The following QTGAL variants were observed in gnomAD, a reference collection of about 807,000 sequenced individuals.
The protein encoded by QTGAL is queuosine-tRNA galactosyltransferase, also known as BGnT-like protein 1.
chr17:83,020,979 TAG>T, the QTGAL span, among the ~76,000 whole-genome samples: 1 of 152,262 alleles, frequency 6.6e-6, no homozygotes, highest in Non-Finnish European at 1.5e-5. Context: ...TGATACTTTA[TAG>T]AGTCATACAT....
the QTGAL span, among the ~76,000 whole-genome samples, chr17:83,036,386 G>A: frequency 1.3e-5 from 2 of 152,206 alleles, no homozygotes; most frequent in Non-Finnish European, 2.9e-5. Context: ...GGGGCCTGAG[G>A]GGGCTTCTGG....
the QTGAL span, among the ~76,000 whole-genome samples, chr17:83,015,863 G>A: frequency 4.5e-4 from 68 of 152,036 alleles, no homozygotes; most frequent in Non-Finnish European, 1.6e-4. The surrounding 1 kb of genome is among the most constrained non-coding windows in gnomAD (Gnocchi z 4.4). Flanking sequence ...CCAAAACCAC[G>A]CCCCCCCACC....
the QTGAL span, among the ~76,000 whole-genome samples, chr17:82,964,970 A>G: frequency 7.2e-6 from 1 of 139,838 alleles, no homozygotes; most frequent in Non-Finnish European, 1.5e-5. Context: ...GAACGGGGAC[A>G]TGGATGCCTG....
At chr17:83,051,045 G>A in the QTGAL span, among the ~76,000 whole-genome samples, 3 of 151,490 alleles carry the variant, frequency 2.0e-5, no homozygotes, top group Admixed American at 6.6e-5. Flanking sequence ...TGTGGGGCAC[G>A]GGGAGGTGTG....
chr17:82,955,058 G>A, the QTGAL span, among the ~76,000 whole-genome samples: 1 of 152,154 alleles, frequency 6.6e-6, no homozygotes, highest in African/African-American at 2.4e-5. Flanking sequence ...CAGGACATAG[G>A]CATGGGCAAG....
At chr17:83,050,365 C>G in the QTGAL span, among the ~76,000 whole-genome samples, 2 of 148,540 alleles carry the variant, frequency 1.3e-5, no homozygotes. Flanking sequence ...TGTGAAACTC[C>G]ATTTCAAAAA....
chr17:82,979,241 A>G, the QTGAL span: 1 of 152,240 alleles, frequency 6.6e-6, no homozygotes, highest in Non-Finnish European at 1.5e-5. Flanking sequence ...AAAAAGTGAG[A>G]GGACCCAAAT....
At chr17:83,022,451 A>G in the QTGAL span, among the ~76,000 whole-genome samples, 76 of 45,952 alleles carry the variant, frequency 1.7e-3, no homozygotes, top group Middle Eastern at 0.013. Context: ...GTGAACTCAC[A>G]TTAGCTTAGC....
chr17:82,958,830 G>GGTGT, the QTGAL span, among the ~76,000 whole-genome samples: 1 of 109,178 alleles, frequency 9.2e-6, no homozygotes. Flanking sequence ...GGGGGTGTAT[G>GGTGT]GTGTGTGTGT....
the QTGAL span, among the ~76,000 whole-genome samples, chr17:82,959,261 T>G: frequency 6.6e-6 from 1 of 151,956 alleles, no homozygotes; most frequent in East Asian, 1.9e-4. Flanking sequence ...TGTACACGTG[T>G]GTGCAGTGAG....
the QTGAL span, among the ~76,000 whole-genome samples, chr17:83,028,571 G>A: frequency 6.6e-6 from 1 of 150,594 alleles, no homozygotes; most frequent in Non-Finnish European, 1.5e-5. Context: ...ACCATCACCA[G>A]CCATCAGGAA....
chr17:83,028,851 T>A, the QTGAL span, among the ~76,000 whole-genome samples: 1 of 152,052 alleles, frequency 6.6e-6, no homozygotes, highest in Non-Finnish European at 1.5e-5. Flanking sequence ...AACTGGAAAC[T>A]ACAGCATCGA....
At chr17:83,010,450 T>C in the QTGAL span, among the ~76,000 whole-genome samples, 1 of 152,208 alleles carries the variant, frequency 6.6e-6, no homozygotes, top group Non-Finnish European at 1.5e-5. Context: ...AGTCAGTCAC[T>C]GCAACAGCTT....
the QTGAL span, among the ~76,000 whole-genome samples, chr17:82,976,957 C>G: frequency 6.6e-6 from 1 of 150,866 alleles, no homozygotes; most frequent in Non-Finnish European, 1.5e-5. Context: ...GGCCCCGGGA[C>G]AGAGCCGAAC....
the QTGAL span, among the ~76,000 whole-genome samples, chr17:82,966,494 G>T: frequency 2.0e-5 from 3 of 152,192 alleles, no homozygotes; most frequent in Non-Finnish European, 2.9e-5. Context: ...AGGTTGATTG[G>T]TATCAGCTTA....
At chr17:83,019,068 T>C in the QTGAL span, among the ~76,000 whole-genome samples, 1 of 152,164 alleles carries the variant, frequency 6.6e-6, no homozygotes, top group African/African-American at 2.4e-5. Flanking sequence ...AGACGCACGA[T>C]GACGCCGCCG....
At chr17:82,998,615 G>A in the QTGAL span, among the ~76,000 whole-genome samples, 1 of 152,162 alleles carries the variant, frequency 6.6e-6, no homozygotes, top group Non-Finnish European at 1.5e-5. Context: ...AAAGTGCTGG[G>A]ATTACAGGCG....
chr17:82,983,254 T>A, the QTGAL span, among the ~76,000 whole-genome samples: 1 of 152,222 alleles, frequency 6.6e-6, no homozygotes, highest in East Asian at 1.9e-4. Context: ...CACTCCAGTC[T>A]GGGCGACAGA....
the QTGAL span, among the ~76,000 whole-genome samples, chr17:83,050,319 G>A: frequency 6.6e-6 from 1 of 151,994 alleles, no homozygotes; most frequent in Non-Finnish European, 1.5e-5. Context: ...GCGGTGAGCC[G>A]AGCTCGCGCC....
Sources: gnomAD v4.1 joint callset for allele counts (sites outside exome capture counted in the v4.1 genomes callset) on GRCh38, gnomAD v4.1.1 for gene constraint, Gnocchi (gnomAD v3.1) non-coding constraint, MANE v1.5 for transcripts, NCBI Gene and HGNC (gene_info 2026-07-23, HGNC 2026-07-21) for gene names.